The following PTPRN2 variants were observed in gnomAD, a reference collection of about 807,000 sequenced individuals.
PTPRN2 encodes receptor-type tyrosine-protein phosphatase N2.
PTPRN2 carries 74 observed loss-of-function variants against 118.8 expected under a neutral mutation model. The ratio of observed to expected loss-of-function variants is 0.62; its 90% CI spans 0.52 to 0.76. The LOEUF (loss-of-function observed/expected upper bound fraction) is 0.76, where lower values mean the gene tolerates loss of function less well. Among genes scored for constraint, PTPRN2 ranks in the 30% least tolerant of loss-of-function variants. The probability of loss-of-function intolerance (pLI) is 0.00; values close to 1 mark genes in which losing one functional copy is unlikely to be tolerated. For missense variants in PTPRN2, 1,481 were observed against 1,394.4 expected, an observed-to-expected ratio of 1.06 and a Z score of -0.99; for synonymous variants, 641 against 608.0, an observed-to-expected ratio of 1.05 and a Z score of -0.80.
At chr7:158,327,285 T>A (rs1586275974) in intron 2 of PTPRN2, among the ~76,000 whole-genome samples, 2 of 145,794 alleles carry the variant, frequency 1.4e-5, no homozygotes, top group South Asian at 4.5e-4. Context: ...TCACACATGC[T>A]CACACATGTA....
chr7:157,546,316 G>A (rs931938634), intron 22 of PTPRN2, among the ~76,000 whole-genome samples: 2 of 152,122 alleles, frequency 1.3e-5, no homozygotes, highest in East Asian at 1.9e-4. Flanking sequence ...TGTGCAGGAC[G>A]GGCAGCTTTG....
intron 1 of PTPRN2, among the ~76,000 whole-genome samples, chr7:158,547,375 C>A (rs1025905972): frequency 7.3e-5 from 11 of 150,240 alleles, no homozygotes; most frequent in African/African-American, 2.7e-4. Flanking sequence ...GCCCCTGGCA[C>A]CCCCAATCCT....
intron 11 of PTPRN2, among the ~76,000 whole-genome samples, chr7:157,926,881 C>T (rs1799024156): frequency 6.6e-6 from 1 of 151,834 alleles, no homozygotes; most frequent in African/African-American, 2.4e-5. Context: ...GACACCGGCT[C>T]ACTGTCTGCA....
rs368455201 is a variant in PTPRN2, at chr7:158,081,421, G to A, written c.1644-44C>T. 126 of 1,555,382 alleles carry A rather than the reference G, an allele frequency of 8.1e-5. 3 individuals are homozygous for A. In the South Asian group the frequency reaches 1.1e-3, roughly 13 times the overall value. On this transcript the variant is annotated intron_variant, in intron 10 of 22. Transcript: ENST00000389418. ...AATAAGTTCATAACGAAGTCTACGC[G>A]CCACACCGCTTTTCTGAAAACGACA...
chr7:157,632,639 G>T lies in PTPRN2; in HGVS notation c.2197-11130C>A, dbSNP rs1423713000. Among the ~76,000 whole-genome samples the T allele has an allele frequency of 6.6e-6, 1 of 152,180 alleles. No homozygotes were observed. The highest frequency in any genetic ancestry group is 2.1e-4 in the South Asian group (1 of 4,822). On this transcript the variant is annotated intron_variant, in intron 14 of 22. Transcript: ENST00000389418. The surrounding 1 kb of genome is among the most constrained non-coding windows in gnomAD (Gnocchi z 4.3). ...GGTCACCTGCAGAAAGACTAAGAAA[G>T]AAGCTGTTTAATAATGGGGATGATG...
At chr7:158,241,968 G>A (rs79955568) in intron 3 of PTPRN2, among the ~76,000 whole-genome samples, 3,180 of 152,282 alleles carry the variant, frequency 0.021, 116 homozygotes, top group African/African-American at 0.071. Context: ...GTCGCAAACC[G>A]AGGGGTCCTT....
intron 12 of PTPRN2, among the ~76,000 whole-genome samples, chr7:157,883,037 CTGT>C (rs1431386640): frequency 6.7e-6 from 1 of 150,118 alleles, no homozygotes; most frequent in Admixed American, 6.6e-5. Context: ...ACAAAAATGA[CTGT>C]TGGAGATCAA....
chr7:157,699,216 TGC>T (rs1797952103), intron 12 of PTPRN2, among the ~76,000 whole-genome samples: 1 of 152,236 alleles, frequency 6.6e-6, no homozygotes, highest in Admixed American at 6.5e-5. Context: ...TTAAGAAAAG[TGC>T]CTATGTATAT....
At chr7:158,286,676 C>A (rs1031259402) in intron 3 of PTPRN2, among the ~76,000 whole-genome samples, 2 of 152,112 alleles carry the variant, frequency 1.3e-5, no homozygotes, top group African/African-American at 4.8e-5. Context: ...TATATTGAAC[C>A]ATCCTTGCAT....
chr7:157,660,637 G>A (rs1180036120), intron 13 of PTPRN2, among the ~76,000 whole-genome samples: 1 of 152,202 alleles, frequency 6.6e-6, no homozygotes, highest in Non-Finnish European at 1.5e-5. Context: ...AAAGCCTCAA[G>A]CATTCATGAG....
intron 5 of PTPRN2, among the ~76,000 whole-genome samples, chr7:158,182,637 T>C (rs1824809941): frequency 6.6e-6 from 1 of 152,218 alleles, no homozygotes. Context: ...TCCATGTCCC[T>C]CCAAGGGACA....
intron 9 of PTPRN2, among the ~76,000 whole-genome samples, chr7:158,118,661 A>T (rs1332848759): frequency 6.6e-6 from 1 of 152,186 alleles, no homozygotes; most frequent in Non-Finnish European, 1.5e-5. Context: ...ACAACAAGGG[A>T]TATCTATTTG....
At chr7:158,014,186 C>A (rs536110183) in intron 11 of PTPRN2, among the ~76,000 whole-genome samples, 18 of 147,638 alleles carry the variant, frequency 1.2e-4, no homozygotes, top group African/African-American at 3.5e-4. Context: ...CTACCCCATC[C>A]GTCATTTGTC....
chr7:158,065,950 C>T (rs1472632478), intron 11 of PTPRN2, among the ~76,000 whole-genome samples: 2 of 152,186 alleles, frequency 1.3e-5, no homozygotes, highest in African/African-American at 4.8e-5. Flanking sequence ...GGCAGGAATG[C>T]ATGCAAAGAG....
At chr7:157,788,475 A>T (rs1365821166) in intron 12 of PTPRN2, among the ~76,000 whole-genome samples, 2 of 151,978 alleles carry the variant, frequency 1.3e-5, no homozygotes, top group Non-Finnish European at 2.9e-5. Context: ...AACCAACGTG[A>T]CCAGAACCCA....
chr7:158,008,655 C>T (rs551727552), intron 11 of PTPRN2, among the ~76,000 whole-genome samples: 44 of 152,376 alleles, frequency 2.9e-4, no homozygotes, highest in Non-Finnish European at 5.1e-4. Flanking sequence ...GCAGCAGTGA[C>T]GTGTCTCCAT....
At chr7:158,382,116 G>A (rs1312787012) in intron 2 of PTPRN2, among the ~76,000 whole-genome samples, 2 of 152,218 alleles carry the variant, frequency 1.3e-5, no homozygotes, top group Admixed American at 1.3e-4. Flanking sequence ...ACAGCCAGGA[G>A]AGAAATGGTG....
rs1341526248 is a variant in PTPRN2, at chr7:157,615,102, AAAAT to A, written c.2344+6256_2344+6259del. On this transcript the variant is annotated intron_variant, in intron 15 of 22. Transcript: ENST00000389418. This position sits in a 1 kb window ranked among gnomAD's most constrained non-coding sequence, Gnocchi z 4.3. ...TACTTACTTGAAGTCGTCCAGCCAG[AAAAT>A]AAATGAAGTGCTCGCAGGTCACGCT... Among the ~76,000 whole-genome samples the A allele has an allele frequency of 6.6e-6, 1 of 152,256 alleles. No homozygotes were observed. The highest frequency in any genetic ancestry group is 1.5e-5 in the Non-Finnish European group (1 of 68,040).
At chr7:158,203,187 G>C (rs954844206) in intron 4 of PTPRN2, among the ~76,000 whole-genome samples, 4 of 127,882 alleles carry the variant, frequency 3.1e-5, no homozygotes, top group Non-Finnish European at 4.6e-5. Context: ...AGCCAAGATC[G>C]TGCCACTGCA....
Sources: allele counts gnomAD v4.1 joint callset (sites outside exome capture counted in the v4.1 genomes callset), GRCh38; gene constraint gnomAD v4.1.1; non-coding constraint Gnocchi (gnomAD v3.1); transcripts MANE v1.5; gene names NCBI Gene and HGNC (gene_info 2026-07-23, HGNC 2026-07-21).